The following CACHD1 variants were observed in gnomAD, a reference collection of about 807,000 sequenced individuals.
CACHD1 encodes the protein VWFA and cache domain-containing protein 1.
Under a neutral mutation model 138.7 loss-of-function variants are expected in CACHD1, and 71 were observed. The observed-to-expected ratio is 0.51, with a 90% CI of 0.42 to 0.62. The LOEUF (loss-of-function observed/expected upper bound fraction) is 0.62. CACHD1 is among the 20% of genes least tolerant of loss of function. CACHD1 has a pLI of 0.00. For missense variants in CACHD1, 1,389 were observed against 1,625.3 expected (o/e 0.85, Z 2.50); for synonymous variants, 578 against 591.5 (o/e 0.98, Z 0.33).
chr1:64,605,534 C>T (rs35905995), intron 4 of CACHD1, among the ~76,000 whole-genome samples: 10 of 152,206 alleles, frequency 6.6e-5, no homozygotes, highest in South Asian at 4.2e-4. Flanking sequence ...CCTTCCTTAA[C>T]GTATTTCTGA....
chr1:64,588,631 G>A (rs923658314), intron 3 of CACHD1, among the ~76,000 whole-genome samples: 2 of 152,148 alleles, frequency 1.3e-5, no homozygotes, highest in African/African-American at 4.8e-5. Context: ...ACCCGCCTCA[G>A]CCTCCCAAAG....
intron 3 of CACHD1, among the ~76,000 whole-genome samples, chr1:64,596,109 AG>A (rs538548237): frequency 8.6e-5 from 13 of 151,790 alleles, no homozygotes; most frequent in East Asian, 1.9e-4. Flanking sequence ...AACTCAGTCG[AG>A]GGGGGGGTTG....
At chr1:64,687,118 A>G (rs1650395266) in intron 26 of CACHD1, among the ~76,000 whole-genome samples, 1 of 152,178 alleles carries the variant, frequency 6.6e-6, no homozygotes, top group Non-Finnish European at 1.5e-5. Context: ...ACACTTTGCT[A>G]CATAAGCCTT....
chr1:64,641,180 A>G (rs1005755356), intron 7 of CACHD1, among the ~76,000 whole-genome samples: 1 of 152,060 alleles, frequency 6.6e-6, no homozygotes, highest in Non-Finnish European at 1.5e-5. Flanking sequence ...CTCCCATTTT[A>G]TAGACAAAGA....
rs138579235 is a variant in CACHD1, at chr1:64,673,447, T to C, written c.2710T>C (p.Phe904Leu). 2.1e-4 allele frequency: 332 copies of C among 1,613,574 alleles called. No homozygotes were observed. In the Middle Eastern group the frequency reaches 2.1e-3, roughly 10 times the overall value. ...CAGAACGGTCCAGAGGTTTTATAAA[T>C]TCAACACCAGCCTTGCGGTAAGTTG... ...SDRTVQRFYK[F>L]NTSLAGDLTN... The change falls in exon 19 of 27, where the codon TTC becomes CTC. Residue 904 changes from phenylalanine (F) to leucine (L), a missense_variant. By Grantham distance (22) the Phe-to-Leu change is conservative. This residue lies in a region of CACHD1 where 50 missense variants were observed against 108.2 expected (regional missense o/e 0.46). Transcript: ENST00000651257.
At chr1:64,519,951 A>G (rs1346481146) in intron 1 of CACHD1, among the ~76,000 whole-genome samples, 1 of 152,214 alleles carries the variant, frequency 6.6e-6, no homozygotes, top group African/African-American at 2.4e-5. Flanking sequence ...TCTGCTGCAC[A>G]TACAGACGTT....
At chr1:64,571,380 T>C (rs552319315) in intron 2 of CACHD1, among the ~76,000 whole-genome samples, 2 of 152,326 alleles carry the variant, frequency 1.3e-5, no homozygotes, top group East Asian at 3.9e-4. Flanking sequence ...ATTACTGTAA[T>C]TGAGCTCATA....
chr1:64,568,797 G>T (rs1374806627), intron 2 of CACHD1, among the ~76,000 whole-genome samples: 1 of 152,132 alleles, frequency 6.6e-6, no homozygotes, highest in Non-Finnish European at 1.5e-5. Context: ...CCCTGTGTAT[G>T]CACATGTTTT....
At chr1:64,634,478 G>A (rs1335534049) in intron 7 of CACHD1, among the ~76,000 whole-genome samples, 2 of 151,692 alleles carry the variant, frequency 1.3e-5, no homozygotes, top group African/African-American at 2.4e-5. Flanking sequence ...TGACTTCCTG[G>A]GCTCCAGCAA....
At position 64,654,813 on chromosome 1, in the gene CACHD1, A is replaced by C; in HGVS notation, c.1782+10A>C. On this transcript the variant is annotated intron_variant, in intron 12 of 26. Coordinates refer to ENST00000651257, the MANE Select transcript of CACHD1 (RefSeq NM_020925.4). The stretch of plus-strand genomic sequence containing the variant: ...CTATGCCTGGAAGATGGTGAGTGAG[A>C]GGAAGTTGTGTTTGCTTGAAGAGCT... The C allele has an allele frequency of 6.3e-7, 1 of 1,588,682 alleles. No homozygotes were observed. The highest frequency in any genetic ancestry group is 8.6e-7 in the Non-Finnish European group (1 of 1,157,118).
chr1:64,686,519 A>G (rs1178826984), intron 26 of CACHD1, among the ~76,000 whole-genome samples: 1 of 152,200 alleles, frequency 6.6e-6, no homozygotes, highest in African/African-American at 2.4e-5. Context: ...GACCACTTAG[A>G]ATGATTGATT....
rs765925747 is a variant in CACHD1 at position 64,653,779 on chromosome 1, C to A, written c.1562C>A (p.Ser521Tyr). ...DDKGYTLMHPSLTRPYLLSEP... is the reference protein window; with the variant it reads ...DDKGYTLMHPYLTRPYLLSEP... ...GCAGGATATACACTTATGCACCCAT[C>A]TCTTACCAGGCCATATTTATTGTCA... Residue 521 changes from serine to tyrosine, a missense_variant, in exon 11 of 27, where the codon TCT (serine) becomes TAT (tyrosine). Transcript: ENST00000651257. 1.9e-6 allele frequency: 3 copies of A among 1,613,314 alleles called. No individual in the cohort carries two copies. The highest frequency in any genetic ancestry group is 2.5e-6 in the Non-Finnish European group (3 of 1,179,394).
chr1:64,477,066 A>T (rs968205331), intron 1 of CACHD1, among the ~76,000 whole-genome samples: 1 of 152,238 alleles, frequency 6.6e-6, no homozygotes, highest in African/African-American at 2.4e-5. Context: ...AACTTCTGTC[A>T]TGTTATTAAA....
At chr1:64,573,575 G>A (rs146148625) in intron 2 of CACHD1, among the ~76,000 whole-genome samples, 4 of 152,334 alleles carry the variant, frequency 2.6e-5, no homozygotes, top group East Asian at 3.9e-4. Flanking sequence ...AACCAGATAT[G>A]AGTAATAGTC....
chr1:64,637,821 A>G (rs1276956854), intron 7 of CACHD1, among the ~76,000 whole-genome samples: 5 of 152,210 alleles, frequency 3.3e-5, no homozygotes, highest in African/African-American at 4.8e-5. Context: ...GACTTCAGGA[A>G]TGAGCGTTGT....
chr1:64,621,007 T>C (rs1283706473), intron 4 of CACHD1, among the ~76,000 whole-genome samples: 1 of 152,164 alleles, frequency 6.6e-6, no homozygotes, highest in African/African-American at 2.4e-5. Context: ...CCACTGATAG[T>C]CTGCTGGGCT....
At chr1:64,561,286 G>A (rs539669300) in intron 2 of CACHD1, among the ~76,000 whole-genome samples, 5 of 150,770 alleles carry the variant, frequency 3.3e-5, no homozygotes, top group Non-Finnish European at 5.9e-5. Context: ...TTTCTCTAAC[G>A]CTATTCTTTA....
At chr1:64,607,826 G>A (rs72673360) in intron 4 of CACHD1, among the ~76,000 whole-genome samples, 2,072 of 152,248 alleles carry the variant, frequency 0.014, 27 homozygotes, top group Non-Finnish European at 0.023. Flanking sequence ...GAATTAGAAA[G>A]CAAGATCATC....
chr1:64,567,985 C>T (rs1347567775), intron 2 of CACHD1, among the ~76,000 whole-genome samples: 4 of 152,010 alleles, frequency 2.6e-5, no homozygotes, highest in African/African-American at 7.2e-5. Flanking sequence ...GGAGGAAGCG[C>T]GTTATATTAC....
Sources: gnomAD v4.1 joint callset for allele counts (sites outside exome capture counted in the v4.1 genomes callset) on GRCh38, gnomAD v4.1.1 for gene constraint, gnomAD v4.1.1 regional missense constraint, MANE v1.5 for transcripts, NCBI Gene and HGNC (gene_info 2026-07-23, HGNC 2026-07-21) for gene names.